The following CCDC150 variants were observed in gnomAD, a reference collection of about 807,000 sequenced individuals.
CCDC150 encodes coiled-coil domain-containing protein 150.
In CCDC150, 151 loss-of-function variants were observed where a neutral mutation model predicts 156.5. That is an observed-to-expected ratio of 0.97 (90% CI 0.85 to 1.10). The LOEUF is 1.10. CCDC150 is among the 50% of genes least tolerant of loss of function. The pLI, the probability that CCDC150 is intolerant of heterozygous loss-of-function variation, is 0.00. For missense variants in CCDC150, 1,312 were observed against 1,268.1 expected (o/e 1.03, Z -0.53); for synonymous variants, 452 against 429.4 (o/e 1.05, Z -0.65).
At chr2:196,668,142 C>G (rs919783262) in intron 7 of CCDC150, among the ~76,000 whole-genome samples, 3 of 151,810 alleles carry the variant, frequency 2.0e-5, no homozygotes, top group Non-Finnish European at 4.4e-5. Flanking sequence ...ACTGAAAATA[C>G]AAAAAATTAG....
In CCDC150 at chr2:196,730,029, C is replaced by G. The variant is rs1292977529; in HGVS notation, c.2893C>G (p.Gln965Glu). Residue 965 changes from glutamine (Q) to glutamate (E), a missense_variant, in exon 25 of 28, where the codon CAA (glutamine) becomes GAA (glutamate). Transcript: ENST00000389175. ...AGAGATGCAGATGTTGGCTAAGAGC[C>G]AATATGATGCCTCAGTGCGGAATAA... The part of the protein sequence containing the change: ...QKEMQMLAKS[Q>E]YDASVRNKQQ... 1 of 1,613,640 alleles carries G rather than the reference C, an allele frequency of 6.2e-7. No individual in the cohort carries two copies. The highest frequency in any genetic ancestry group is 8.5e-7 in the Non-Finnish European group (1 of 1,179,822).
chr2:196,726,949 A>G (rs1436465049), intron 22 of CCDC150: 2 of 152,224 alleles, frequency 1.3e-5, no homozygotes, highest in East Asian at 1.9e-4. Context: ...AGGAAGGTTA[A>G]TGTAACAGCA....
At chr2:196,704,340 G>A (rs1019421128) in intron 15 of CCDC150, among the ~76,000 whole-genome samples, 2 of 152,020 alleles carry the variant, frequency 1.3e-5, no homozygotes, top group South Asian at 4.2e-4. Context: ...TCTGTTGATG[G>A]ATAATCGGCT....
intron 1 of CCDC150, among the ~76,000 whole-genome samples, chr2:196,642,756 T>C (rs1034109498): frequency 2.0e-5 from 3 of 152,166 alleles, no homozygotes; most frequent in African/African-American, 7.2e-5. Flanking sequence ...TATTTTTTTT[T>C]AGAGACAAGG....
Position 196,719,569 on chromosome 2 carries a change from G to A in CCDC150, c.2068G>A (p.Val690Met), listed in dbSNP as rs1371637198. 28 of 1,613,390 alleles carry A rather than the reference G, an allele frequency of 1.7e-5. No individual in the cohort carries two copies. The highest frequency in any genetic ancestry group is 2.2e-5 in the Non-Finnish European group (26 of 1,179,674). ...NCKVTIMLEN[V>M]LASHSKMQGA... ...CAAAGTCACAATCATGTTGGAGAAT[G>A]TGCTGGCTTCTCACAGTAAGATGCA... Residue 690 changes from valine to methionine, a missense_variant, in exon 19 of 28, where the codon GTG (valine) becomes ATG (methionine). Physicochemically the swap from Val to Met is conservative, Grantham distance 21 (BLOSUM62 1). Transcript: ENST00000389175.
chr2:196,710,447 C>G (rs1697027948), intron 15 of CCDC150, among the ~76,000 whole-genome samples: 1 of 152,210 alleles, frequency 6.6e-6, no homozygotes, highest in African/African-American at 2.4e-5. Context: ...CCTGACCCCC[C>G]TTGCGCTTCC....
At chr2:196,658,951 A>G (rs1344710120) in intron 5 of CCDC150, 91 bp downstream of exon 5, 1 of 871,648 alleles carries the variant, frequency 1.1e-6, no homozygotes, top group African/African-American at 1.7e-5. Flanking sequence ...CCTTTGAAGA[A>G]GAAAATATGT....
chr2:196,711,275 C>T (rs1313615121), intron 15 of CCDC150, among the ~76,000 whole-genome samples: 2 of 152,084 alleles, frequency 1.3e-5, no homozygotes, highest in Non-Finnish European at 2.9e-5. Flanking sequence ...TAACTGTCAC[C>T]CACAAGGCTA....
At chr2:196,674,130 T>A in intron 9 of CCDC150, 111 bp from the exon 10 acceptor site, 1 of 646,864 alleles carries the variant, frequency 1.5e-6, no homozygotes, top group Non-Finnish European at 2.6e-6. Flanking sequence ...GTTAAATAGA[T>A]TAGTTTCATA....
rs775064812 is a variant in CCDC150, at chr2:196,732,172, G to A, written c.3189+20G>A. 9 of 1,613,148 alleles carry A rather than the reference G, an allele frequency of 5.6e-6. No individual in the cohort carries two copies. In the East Asian group the frequency reaches 1.8e-4, roughly 32 times the overall value. Reference sequence around the variant, plus strand: ...GAAAAGGTAAGATTAAGACATGGATGTCTTAAGCAATTTTCTACTTGTTGC... The same window carrying A: ...GAAAAGGTAAGATTAAGACATGGATATCTTAAGCAATTTTCTACTTGTTGC... On this transcript the variant is annotated intron_variant, in intron 27 of 27. Coordinates refer to ENST00000389175, the MANE Select transcript of CCDC150 (RefSeq NM_001080539.2).
intron 13 of CCDC150, among the ~76,000 whole-genome samples, chr2:196,688,824 C>T (rs1695268117): frequency 6.6e-6 from 1 of 151,106 alleles, no homozygotes; most frequent in Non-Finnish European, 1.5e-5. Context: ...TTGCCCATGC[C>T]TATGTCCTGA....
At chr2:196,663,594 T>G (rs1225738579) in intron 5 of CCDC150, among the ~76,000 whole-genome samples, 1 of 152,110 alleles carries the variant, frequency 6.6e-6, no homozygotes, top group Non-Finnish European at 1.5e-5. Context: ...TACTCACAAG[T>G]ATGTTCAGGA....
At chr2:196,662,293 TC>T (rs769282819) in intron 5 of CCDC150, among the ~76,000 whole-genome samples, 17 of 152,084 alleles carry the variant, frequency 1.1e-4, no homozygotes, top group Non-Finnish European at 2.2e-4. Context: ...TAAGAATACT[TC>T]TATATATAAA....
At chr2:196,687,987 G>A (rs1325186018) in intron 13 of CCDC150, among the ~76,000 whole-genome samples, 1 of 152,140 alleles carries the variant, frequency 6.6e-6, no homozygotes, top group African/African-American at 2.4e-5. Context: ...TACCATGCAT[G>A]CTGTTTTGGT....
chr2:196,666,903 GA>G, intron 7 of CCDC150, 55 bp downstream of exon 7: 3 of 1,597,250 alleles, frequency 1.9e-6, no homozygotes, highest in East Asian at 2.2e-5. Context: ...AGATTTCATG[GA>G]AAAACTCTTA....
chr2:196,692,064 T>G (rs1695512393), intron 13 of CCDC150, among the ~76,000 whole-genome samples: 2 of 152,176 alleles, frequency 1.3e-5, no homozygotes. Context: ...GAGATTTGTT[T>G]GCTCTTTGTT....
Position 196,639,752 on chromosome 2 carries a change from G to C in CCDC150, c.-15G>C. The C allele has an allele frequency of 6.4e-7, 1 of 1,570,238 alleles. No individual in the cohort carries two copies. On this transcript the variant is annotated 5_prime_UTR_variant, in exon 1 of 28. Coordinates refer to ENST00000389175, the MANE Select transcript of CCDC150 (RefSeq NM_001080539.2). ...ACCCGCTCGCCTGCTGCAGTACGGA[G>C]CCTCAGGCGGACAGATGGACTGTAA...
intron 5 of CCDC150, among the ~76,000 whole-genome samples, chr2:196,663,954 G>C (rs1025045757): frequency 6.6e-6 from 1 of 151,920 alleles, no homozygotes; most frequent in Non-Finnish European, 1.5e-5. Context: ...AATAATAAAA[G>C]AGACTCTTAT....
chr2:196,694,082 G>A (rs1695660459), intron 13 of CCDC150, among the ~76,000 whole-genome samples: 1 of 116,692 alleles, frequency 8.6e-6, no homozygotes. Context: ...TTGAGATGGA[G>A]TTTCGCTCTT....
Sources: gnomAD v4.1 joint callset for allele counts (sites outside exome capture counted in the v4.1 genomes callset) on GRCh38, gnomAD v4.1.1 for gene constraint, MANE v1.5 for transcripts, NCBI Gene and HGNC (gene_info 2026-07-23, HGNC 2026-07-21) for gene names.